CELF5: variants seen among roughly 807,000 people sequenced by gnomAD.
The protein encoded by CELF5 is CUG-BP and ETR-3 like factor 5.
CELF5 carries 6 observed loss-of-function variants against 54.9 expected under a neutral mutation model. That is an observed-to-expected ratio of 0.11 (90% confidence interval 0.06 to 0.22). CELF5 has a LOEUF of 0.22. CELF5 is among the 10% of genes least tolerant of loss of function. The pLI is 1.00. For synonymous variants in CELF5, 271 were observed against 290.9 expected, an observed-to-expected ratio of 0.93 and a Z score of 0.70; for missense variants, 401 against 678.6, an observed-to-expected ratio of 0.59 and a Z score of 4.54.
intron 12 of CELF5, chr19:3,296,423 G>A (rs2080449753): frequency 9.8e-6 from 1 of 102,448 alleles, no homozygotes; most frequent in Non-Finnish European, 1.9e-5. Flanking sequence ...TAGGGTGGGG[G>A]AAACCACACA....
intron 2 of CELF5, among the ~76,000 whole-genome samples, chr19:3,269,794 C>T (rs1049956299): frequency 6.6e-6 from 1 of 152,110 alleles, no homozygotes; most frequent in African/African-American, 2.4e-5. Context: ...TAGGGTCTGG[C>T]TCTGTCGTCC....
chr19:3,250,896 G>A (rs1398490079), intron 1 of CELF5, 89 bp from the exon 2 acceptor site: 2 of 823,182 alleles, frequency 2.4e-6, no homozygotes, highest in South Asian at 3.1e-5. Context: ...AGCTTGGGTT[G>A]CTTCCACCTA....
intron 1 of CELF5, among the ~76,000 whole-genome samples, chr19:3,247,290 C>A (rs182574653): frequency 1.3e-5 from 2 of 152,210 alleles, no homozygotes; most frequent in East Asian, 3.9e-4. Flanking sequence ...CCACGCCCGA[C>A]TAATTTTTTG....
At chr19:3,267,240 C>A (rs534017734) in intron 2 of CELF5, among the ~76,000 whole-genome samples, 143 of 152,110 alleles carry the variant, frequency 9.4e-4, no homozygotes, top group African/African-American at 3.2e-3. Context: ...GAGCCCCCCC[C>A]ACCAACCGCC....
Position 3,296,894 on chromosome 19 carries a change from C to G in CELF5, c.*177C>G, listed in dbSNP as rs574778748. 6.6e-6 allele frequency: 1 copy of G among 151,592 alleles called. No individual in the cohort carries two copies. The highest frequency in any genetic ancestry group is 1.5e-5 in the Non-Finnish European group (1 of 67,956). 9.4% of individuals were successfully genotyped at this position (151,592 alleles called of 1,614,324 possible). On this transcript the variant is annotated 3_prime_UTR_variant, in exon 13 of 13. Coordinates refer to ENST00000292672, the MANE Select transcript of CELF5 (RefSeq NM_021938.4). ...AAGAACTTGGAACTTTGGGTTGACT[C>G]GGTTTGAGTTTTGTGTCAAAGAAGA...
At chr19:3,236,388 A>G (rs1333533239) in intron 1 of CELF5, among the ~76,000 whole-genome samples, 2 of 152,148 alleles carry the variant, frequency 1.3e-5, no homozygotes, top group African/African-American at 2.4e-5. Flanking sequence ...GTGAAGGCTC[A>G]GAGAGGTTAA....
chr19:3,237,889 A>AT (rs1034963484), intron 1 of CELF5, among the ~76,000 whole-genome samples: 4 of 151,716 alleles, frequency 2.6e-5, no homozygotes, highest in Non-Finnish European at 4.4e-5. Flanking sequence ...CTCTACTAAA[A>AT]AATACAAAAA....
In CELF5 at chr19:3,255,244, G is replaced by C. The variant is rs567292268; in HGVS notation, c.342+4177G>C. Among the ~76,000 whole-genome samples the C allele has an allele frequency of 9.2e-5, 14 of 152,222 alleles. 1 individual carries two copies. Among genetic ancestry groups the C allele is most frequent in the Middle Eastern group, 6.8e-3 (2 of 294 alleles). ...CTGTCACCCAGGCTGGAGTGCAGTGGCTTGATCTCAGCTCACTGCAACTTC... is the reference window on the plus strand; with the variant it reads ...CTGTCACCCAGGCTGGAGTGCAGTGCCTTGATCTCAGCTCACTGCAACTTC... On this transcript the variant is annotated intron_variant, in intron 2 of 12. Coordinates refer to ENST00000292672, the MANE Select transcript of CELF5 (RefSeq NM_021938.4).
intron 2 of CELF5, among the ~76,000 whole-genome samples, chr19:3,254,971 C>A (rs975452182): frequency 2.6e-5 from 4 of 151,048 alleles, no homozygotes; most frequent in Non-Finnish European, 5.9e-5. Context: ...CATCCATCCA[C>A]CTATCTATCC....
At chr19:3,231,586 T>C (rs1917261265) in intron 1 of CELF5, among the ~76,000 whole-genome samples, 1 of 148,952 alleles carries the variant, frequency 6.7e-6, no homozygotes, top group Non-Finnish European at 1.5e-5. Flanking sequence ...GATTTGTAGA[T>C]GGGTGGGTGG....
chr19:3,261,853 C>A (rs574541748), intron 2 of CELF5, among the ~76,000 whole-genome samples: 7 of 151,724 alleles, frequency 4.6e-5, no homozygotes, highest in Non-Finnish European at 8.8e-5. Flanking sequence ...CAGGAGGGGC[C>A]CAGAATGGAC....
intron 2 of CELF5, among the ~76,000 whole-genome samples, chr19:3,267,285 ACC>A (rs143738956): frequency 1.3e-5 from 2 of 151,178 alleles, no homozygotes; most frequent in East Asian, 3.9e-4. Context: ...AGAGAGGGCA[ACC>A]CCCCCGTTTC....
At chr19:3,226,970 G>T (rs895120259) in intron 1 of CELF5, among the ~76,000 whole-genome samples, 10 of 151,984 alleles carry the variant, frequency 6.6e-5, no homozygotes, top group Admixed American at 5.9e-4. Flanking sequence ...TACCTCGGGG[G>T]TATTTCCCAT....
At chr19:3,252,961 G>T (rs761818357) in intron 2 of CELF5, among the ~76,000 whole-genome samples, 1 of 152,004 alleles carries the variant, frequency 6.6e-6, no homozygotes, top group Non-Finnish European at 1.5e-5. Context: ...CTGAAAGATG[G>T]CATGGAAGGG....
intron 1 of CELF5, among the ~76,000 whole-genome samples, chr19:3,241,838 C>T (rs1353841695): frequency 1.3e-5 from 2 of 152,066 alleles, no homozygotes; most frequent in African/African-American, 2.4e-5. Flanking sequence ...TGCAGTGGCG[C>T]GACCTCGGCT....
intron 1 of CELF5, among the ~76,000 whole-genome samples, chr19:3,239,174 G>C (rs1459196444): frequency 6.6e-6 from 1 of 152,004 alleles, no homozygotes; most frequent in Non-Finnish European, 1.5e-5. Context: ...ATCATAGCTT[G>C]CTGCAGCCTC....
intron 2 of CELF5, among the ~76,000 whole-genome samples, chr19:3,255,463 C>A (rs953489366): frequency 3.3e-5 from 5 of 152,274 alleles, no homozygotes; most frequent in African/African-American, 1.2e-4. Flanking sequence ...GGATTACAGG[C>A]GTAAGCCATT....
intron 1 of CELF5, 110 bp downstream of exon 1, chr19:3,225,108 G>T: frequency 3.1e-6 from 2 of 638,354 alleles, no homozygotes; most frequent in Non-Finnish European, 4.9e-6. Flanking sequence ...TCCCTCCTCT[G>T]CCTGCCTCTG....
intron 2 of CELF5, among the ~76,000 whole-genome samples, chr19:3,261,961 T>C (rs1440974647): frequency 6.6e-6 from 1 of 152,188 alleles, no homozygotes; most frequent in Non-Finnish European, 1.5e-5. Flanking sequence ...TGCTGATCAC[T>C]AGCTCCGTGA....
Sources: gnomAD v4.1 joint callset for allele counts (sites outside exome capture counted in the v4.1 genomes callset) on GRCh38, gnomAD v4.1.1 for gene constraint, MANE v1.5 for transcripts, NCBI Gene and HGNC (gene_info 2026-07-23, HGNC 2026-07-21) for gene names.